Variants in SUGCT observed in about 807,000 individuals in gnomAD.
The protein encoded by SUGCT is succinyl-CoA:glutarate CoA-transferase.
SUGCT carries 41 observed loss-of-function variants against 55.0 expected under a neutral mutation model. That is an observed-to-expected ratio of 0.74 (90% CI 0.58 to 0.97). The LOEUF (loss-of-function observed/expected upper bound fraction) is 0.97, where lower values mean the gene tolerates loss of function less well. Among genes scored for constraint, SUGCT ranks in the 50% least tolerant of loss-of-function variants. The pLI, the probability that SUGCT is intolerant of heterozygous loss-of-function variation, is 0.00. For missense variants in SUGCT, 568 were observed against 547.8 expected (o/e 1.04, Z -0.37); for synonymous variants, 187 against 200.4 (o/e 0.93, Z 0.56).
the SUGCT span, among the ~76,000 whole-genome samples, chr7:40,922,144 T>G: frequency 2.0e-3 from 301 of 152,316 alleles, 1 homozygote; most frequent in African/African-American, 6.9e-3. Context: ...CTCCAGGGTT[T>G]AGAGGGGTGA....
the SUGCT span, among the ~76,000 whole-genome samples, chr7:40,973,983 T>C: frequency 1.3e-5 from 2 of 152,232 alleles, no homozygotes; most frequent in African/African-American, 4.8e-5. Flanking sequence ...TGATTGTTCA[T>C]AGTTAGCTGC....
At chr7:40,306,505 T>C (rs998436631) in intron 8 of SUGCT, among the ~76,000 whole-genome samples, 15 of 152,208 alleles carry the variant, frequency 9.9e-5, no homozygotes, top group Non-Finnish European at 2.1e-4. Flanking sequence ...TAATAATTAC[T>C]TATTAAATAT....
At chr7:40,938,990 G>A in the SUGCT span, among the ~76,000 whole-genome samples, 1 of 152,276 alleles carries the variant, frequency 6.6e-6, no homozygotes, top group African/African-American at 2.4e-5. Context: ...TATTCATGCA[G>A]GTGTCTTTTT....
At chr7:40,501,117 G>C (rs1029677130) in intron 12 of SUGCT, among the ~76,000 whole-genome samples, 18 of 152,134 alleles carry the variant, frequency 1.2e-4, no homozygotes, top group Non-Finnish European at 8.8e-5. Flanking sequence ...ATGTAAAATA[G>C]TAGGTCTGGA....
chr7:40,160,106 G>C (rs1281059594), intron 1 of SUGCT, among the ~76,000 whole-genome samples: 1 of 152,132 alleles, frequency 6.6e-6, no homozygotes, highest in African/African-American at 2.4e-5. Flanking sequence ...TTTTGCTGTA[G>C]TAAACCTTAG....
intron 13 of SUGCT, among the ~76,000 whole-genome samples, chr7:40,846,116 A>G (rs1445862745): frequency 2.0e-5 from 3 of 152,158 alleles, no homozygotes. Context: ...GAAGGTCACT[A>G]CTTTGAAGGA....
At chr7:40,432,085 G>A (rs893654986) in intron 9 of SUGCT, among the ~76,000 whole-genome samples, 1 of 151,984 alleles carries the variant, frequency 6.6e-6, no homozygotes, top group African/African-American at 2.4e-5. Flanking sequence ...ATGAGATTGG[G>A]CATCCTTGCT....
At chr7:40,330,361 G>A (rs1472995711) in intron 9 of SUGCT, among the ~76,000 whole-genome samples, 1 of 152,172 alleles carries the variant, frequency 6.6e-6, no homozygotes, top group Non-Finnish European at 1.5e-5. Context: ...ATATCCTGAG[G>A]GAGAAGATAT....
chr7:40,425,570 GTT>G (rs1177590586), intron 9 of SUGCT, among the ~76,000 whole-genome samples: 1 of 151,972 alleles, frequency 6.6e-6, no homozygotes, highest in Non-Finnish European at 1.5e-5. Context: ...AAGCTTTTTT[GTT>G]TTTTTAAAAC....
chr7:40,926,721 G>A, the SUGCT span, among the ~76,000 whole-genome samples: 2 of 152,286 alleles, frequency 1.3e-5, no homozygotes, highest in East Asian at 3.9e-4. Context: ...GCCAGGAAGG[G>A]AACCCTGACC....
At chr7:40,791,482 T>G (rs948141851) in intron 13 of SUGCT, among the ~76,000 whole-genome samples, 4 of 152,206 alleles carry the variant, frequency 2.6e-5, no homozygotes, top group Non-Finnish European at 5.9e-5. Flanking sequence ...TGTGGATGTA[T>G]TCTAGTGATC....
chr7:40,870,046 G>A, the SUGCT span, among the ~76,000 whole-genome samples: 1 of 152,138 alleles, frequency 6.6e-6, no homozygotes, highest in Non-Finnish European at 1.5e-5. Context: ...TCTGTAATCA[G>A]TAAGTATATT....
chr7:40,570,658 G>A (rs1442226605), intron 12 of SUGCT, among the ~76,000 whole-genome samples: 1 of 152,074 alleles, frequency 6.6e-6, no homozygotes, highest in African/African-American at 2.4e-5. Flanking sequence ...TTCCTTCATT[G>A]TTGTTAATTC....
intron 12 of SUGCT, among the ~76,000 whole-genome samples, chr7:40,734,590 T>C (rs1787065690): frequency 6.6e-6 from 1 of 152,198 alleles, no homozygotes; most frequent in Non-Finnish European, 1.5e-5. Context: ...CTGGTTGGAC[T>C]GTCCACCCCT....
At chr7:40,790,513 G>A (rs1033452911) in intron 13 of SUGCT, among the ~76,000 whole-genome samples, 1 of 152,172 alleles carries the variant, frequency 6.6e-6, no homozygotes, top group African/African-American at 2.4e-5. Context: ...ACAGAGGAGA[G>A]ATTTCTTAAA....
At chr7:40,922,472 C>T in the SUGCT span, among the ~76,000 whole-genome samples, 5 of 152,182 alleles carry the variant, frequency 3.3e-5, no homozygotes, top group South Asian at 2.1e-4. Flanking sequence ...GAGAGCTTGA[C>T]TCATGGGGCA....
At chr7:40,462,694 G>A (rs963949576) in intron 11 of SUGCT, among the ~76,000 whole-genome samples, 26 of 152,112 alleles carry the variant, frequency 1.7e-4, no homozygotes, top group African/African-American at 6.0e-4. Context: ...CCTACTATGT[G>A]CCATGAACTG....
chr7:40,972,307 A>G, the SUGCT span, among the ~76,000 whole-genome samples: 26 of 152,354 alleles, frequency 1.7e-4, 1 homozygote, highest in South Asian at 4.6e-3. Context: ...CAATCATCAT[A>G]GCTGTCAGGT....
At chr7:40,615,242 T>C (rs1323121395) in intron 12 of SUGCT, among the ~76,000 whole-genome samples, 1 of 152,116 alleles carries the variant, frequency 6.6e-6, no homozygotes, top group Admixed American at 6.5e-5. Flanking sequence ...TCCTCAGTTT[T>C]CAAAGATTTT....
Sources: gnomAD v4.1 joint callset for allele counts (sites outside exome capture counted in the v4.1 genomes callset) on GRCh38, gnomAD v4.1.1 for gene constraint, MANE v1.5 for transcripts, NCBI Gene and HGNC (gene_info 2026-07-23, HGNC 2026-07-21) for gene names.